Variants in TET3 observed in about 807,000 individuals in gnomAD.
TET3 encodes methylcytosine dioxygenase TET3.
Under a neutral mutation model 141.4 loss-of-function variants are expected in TET3, and 19 were observed. The ratio of observed to expected loss-of-function variants is 0.13; its 90% confidence interval spans 0.09 to 0.20. The LOEUF (loss-of-function observed/expected upper bound fraction) is 0.20. Ranked by LOEUF, TET3 falls within the 10% of genes least tolerant of loss-of-function variation. TET3 has a pLI of 1.00. For synonymous variants in TET3, 1,043 were observed against 980.9 expected (o/e 1.06, Z -1.18); for missense variants, 1,874 against 2,356.9 (o/e 0.80, Z 4.24).
At chr2:74,012,368 A>G (rs1685482054) in intron 3 of TET3, among the ~76,000 whole-genome samples, 1 of 152,224 alleles carries the variant, frequency 6.6e-6, no homozygotes, top group Non-Finnish European at 1.5e-5. Context: ...GTCATGCTGC[A>G]TTGTAGCACA....
chr2:74,030,351 C>A (rs1455436210), intron 3 of TET3, among the ~76,000 whole-genome samples: 1 of 152,174 alleles, frequency 6.6e-6, no homozygotes, highest in African/African-American at 2.4e-5. Flanking sequence ...CTTCCTATTT[C>A]ATCTAGCTTT....
At chr2:74,124,788 G>T in the TET3 span, among the ~76,000 whole-genome samples, 1 of 151,210 alleles carries the variant, frequency 6.6e-6, no homozygotes, top group Non-Finnish European at 1.5e-5. Flanking sequence ...CAAACACTGC[G>T]GAAGGCCGCA....
At chr2:74,116,555 T>C in the TET3 span, among the ~76,000 whole-genome samples, 2 of 151,876 alleles carry the variant, frequency 1.3e-5, no homozygotes, top group African/African-American at 4.8e-5. Context: ...GGTGTGTGTG[T>C]GTGCCTGTAG....
chr2:74,019,945 CACAA>C (rs1448506859), intron 3 of TET3, among the ~76,000 whole-genome samples: 2 of 152,154 alleles, frequency 1.3e-5, no homozygotes, highest in Non-Finnish European at 2.9e-5. Context: ...TTCAAGGTAG[CACAA>C]ACAAACTTAT....
intron 2 of TET3, chr2:74,002,629 G>T (rs1461023192): frequency 6.7e-5 from 24 of 360,558 alleles, no homozygotes. Context: ...AGGGCCGGCC[G>T]CGGGGATTGG....
intron 3 of TET3, among the ~76,000 whole-genome samples, chr2:74,014,845 A>T (rs766534968): frequency 3.9e-5 from 6 of 152,200 alleles, no homozygotes; most frequent in Non-Finnish European, 5.9e-5. Context: ...CCTTCAGTCC[A>T]TGAAGAGTGT....
chr2:74,023,629 T>G (rs1301253371), intron 3 of TET3, among the ~76,000 whole-genome samples: 1 of 152,218 alleles, frequency 6.6e-6, no homozygotes, highest in African/African-American at 2.4e-5. Context: ...TGAGCCTAGC[T>G]TGGCCACATC....
chr2:74,101,233 C>A lies in TET3; in HGVS notation c.4445C>A (p.Pro1482His), dbSNP rs1691191747. The change falls in exon 12 of 12, where the codon CCT becomes CAT. Residue 1482 changes from proline (P) to histidine (H), a missense_variant. By Grantham distance (77) the Pro-to-His change is moderately conservative. Around this residue, in one of 10 missense-constraint regions of TET3, gnomAD observed 602 missense variants for 590.2 expected, o/e 1.02. Coordinates refer to ENST00000409262, the MANE Select transcript of TET3 (RefSeq NM_001287491.2). The surrounding 1 kb of genome is among the most constrained non-coding windows in gnomAD (Gnocchi z 8.5). ...TCCTTTGGGGCCAGCTGCCTGGCCCCTTCCCACTTCACAGATGGCCAGTGG... is the reference window on the plus strand; with the variant it reads ...TCCTTTGGGGCCAGCTGCCTGGCCCATTCCCACTTCACAGATGGCCAGTGG... Reference protein sequence around the residue: ...LSSFGASCLAPSHFTDGQWGL... With the variant: ...LSSFGASCLAHSHFTDGQWGL... 6.2e-7 allele frequency: 1 copy of A among 1,612,750 alleles called. No homozygotes were observed. Among genetic ancestry groups the A allele is most frequent in the Non-Finnish European group, 8.5e-7 (1 of 1,179,434 alleles).
At chr2:74,003,042 T>C in intron 2 of TET3, 68 bp from the exon 3 acceptor site, 1 of 1,526,822 alleles carries the variant, frequency 6.5e-7, no homozygotes, top group Non-Finnish European at 8.9e-7. Context: ...CTGGGGGCTG[T>C]AGCAGGAGGA....
chr2:74,063,509 C>T (rs367712113), intron 4 of TET3, among the ~76,000 whole-genome samples: 53 of 152,120 alleles, frequency 3.5e-4, no homozygotes, highest in Non-Finnish European at 5.0e-4. Context: ...CCTTTTTTTA[C>T]GTTTAATACC....
At chr2:73,988,861 A>G (rs1244751448) in intron 2 of TET3, among the ~76,000 whole-genome samples, 1 of 151,458 alleles carries the variant, frequency 6.6e-6, no homozygotes, top group South Asian at 2.1e-4. Flanking sequence ...GATGTTTAAA[A>G]TACGCTTTCT....
intron 2 of TET3, 23 bp from the exon 3 acceptor site, chr2:74,003,087 C>T (rs1043455200): frequency 1.9e-6 from 3 of 1,550,460 alleles, no homozygotes; most frequent in Non-Finnish European, 2.6e-6. Context: ...CTGGCTCACA[C>T]GTTCCTCTGG....
Position 74,046,682 on chromosome 2 carries a change from A to T in TET3, c.765A>T (p.Thr255=). The stretch of plus-strand genomic sequence containing the variant: ...CTGCTGGCAGCGAAGACCTTGACAC[A>T]CTGCAGACGGCCCTGGCCCTCGCGC... ...GCSAGSEDLD[T]LQTALALARH... is the part of the protein sequence containing the mutation. The change falls in exon 4 of 12, where the codon ACA becomes ACT. Residue 255 remains threonine (T), a synonymous_variant. Coordinates refer to ENST00000409262, the MANE Select transcript of TET3 (RefSeq NM_001287491.2). The surrounding 1 kb of genome is among the most constrained non-coding windows in gnomAD (Gnocchi z 4.3). 1 of 1,613,998 alleles carries T rather than the reference A, an allele frequency of 6.2e-7. No individual in the cohort carries two copies. Among genetic ancestry groups the T allele is most frequent in the Non-Finnish European group, 8.5e-7 (1 of 1,179,882 alleles).
chr2:74,087,053 G>T lies in TET3; in HGVS notation c.2680-777G>T, dbSNP rs1383605660. ...AATGGAACTGTTCTGGGTGTCTCAT[G>T]TCAGTGGAATCATGTACTATGTGTC... On this transcript the variant is annotated intron_variant, in intron 6 of 11. Coordinates refer to ENST00000409262, the MANE Select transcript of TET3 (RefSeq NM_001287491.2). The surrounding 1 kb of genome is among the most constrained non-coding windows in gnomAD (Gnocchi z 4.3). Among the ~76,000 whole-genome samples the T allele has an allele frequency of 6.6e-6, 1 of 152,106 alleles. No homozygotes were observed. Among genetic ancestry groups the T allele is most frequent in the East Asian group, 1.9e-4 (1 of 5,190 alleles).
intron 4 of TET3, among the ~76,000 whole-genome samples, chr2:74,063,878 G>A (rs1201420261): frequency 2.3e-5 from 3 of 130,730 alleles, no homozygotes; most frequent in African/African-American, 1.0e-4. Flanking sequence ...GGGCAACAAA[G>A]CCCATCTCTG....
intron 3 of TET3, among the ~76,000 whole-genome samples, chr2:74,040,391 G>A (rs1233424783): frequency 6.6e-6 from 1 of 152,128 alleles, no homozygotes; most frequent in African/African-American, 2.4e-5. Context: ...AAAATTGAGA[G>A]ACAGTTCACA....
intron 3 of TET3, among the ~76,000 whole-genome samples, chr2:74,016,174 TG>T (rs1271963602): frequency 6.6e-6 from 1 of 151,862 alleles, no homozygotes; most frequent in Non-Finnish European, 1.5e-5. Context: ...TCTAGATCAG[TG>T]GGGGCAACAT....
chr2:74,018,950 C>T (rs1300924815), intron 3 of TET3, among the ~76,000 whole-genome samples: 1 of 152,044 alleles, frequency 6.6e-6, no homozygotes, highest in Non-Finnish European at 1.5e-5. Context: ...TTTGTGTGTT[C>T]ATCAAAGTTT....
upstream of TET3, among the ~76,000 whole-genome samples, chr2:73,984,086 T>G (rs1683876714): frequency 6.6e-6 from 1 of 152,262 alleles, no homozygotes. The surrounding 1 kb of genome is among the most constrained non-coding windows in gnomAD (Gnocchi z 5.6). Flanking sequence ...TCAAAGTGTC[T>G]GCGCCGGGTT....
Sources: allele counts gnomAD v4.1 joint callset (sites outside exome capture counted in the v4.1 genomes callset), GRCh38; gene constraint gnomAD v4.1.1; regional missense constraint gnomAD v4.1.1; non-coding constraint Gnocchi (gnomAD v3.1); transcripts MANE v1.5; gene names NCBI Gene and HGNC (gene_info 2026-07-23, HGNC 2026-07-21).